PHC3: variants seen among roughly 807,000 people sequenced by gnomAD.
The protein encoded by PHC3 is polyhomeotic-like protein 3.
A neutral mutation model predicts 107.4 loss-of-function variants in PHC3; 13 were observed. That is an observed-to-expected ratio of 0.12 (90% CI 0.08 to 0.19). PHC3 has a LOEUF of 0.19. Ranked by LOEUF, PHC3 falls within the 10% of genes least tolerant of loss-of-function variation. The probability of loss-of-function intolerance (pLI) is 1.00; values close to 1 mark genes in which losing one functional copy is unlikely to be tolerated. For missense variants in PHC3, 992 were observed against 1,210.9 expected (o/e 0.82, Z 2.68); for synonymous variants, 456 against 427.4 (o/e 1.07, Z -0.83).
intron 6 of PHC3, 68 bp downstream of exon 6, chr3:170,145,355 T>C (rs1724773750): frequency 1.5e-6 from 2 of 1,311,846 alleles, no homozygotes; most frequent in Non-Finnish European, 2.1e-6. Context: ...TAAACACAAA[T>C]GCAATGCTTA....
intron 10 of PHC3, among the ~76,000 whole-genome samples, chr3:170,114,985 G>A (rs1040245379): frequency 7.9e-5 from 12 of 152,010 alleles, no homozygotes; most frequent in African/African-American, 2.4e-4. Flanking sequence ...AATGCTAAGG[G>A]CATACACTTC....
Position 170,129,252 on chromosome 3 carries a change from G to T in PHC3, c.1220C>A (p.Ser407Tyr). The change falls in exon 8 of 15, where the codon TCT becomes TAT. Residue 407 changes from serine (S) to tyrosine (Y), a missense_variant. Coordinates refer to ENST00000495893, the MANE Select transcript of PHC3 (RefSeq NM_024947.4). ...AGGTGGTGGAGGAGACACCACTACA[G>T]ACTGCTGTGCTGACTGTGACTGATT... The part of the protein sequence containing the change: ...SPNQSQSAQQ[S>Y]VVVSPPPPHS... 3 of 1,613,704 alleles carry T rather than the reference G, an allele frequency of 1.9e-6. No individual in the cohort carries two copies. The highest frequency in any genetic ancestry group is 2.5e-6 in the Non-Finnish European group (3 of 1,179,624).
chr3:170,111,602 G>C (rs1717791511), intron 11 of PHC3, among the ~76,000 whole-genome samples: 1 of 152,154 alleles, frequency 6.6e-6, no homozygotes, highest in South Asian at 2.1e-4. Flanking sequence ...CGATTCTAAT[G>C]AATGTTTGAA....
At chr3:170,110,310 C>T (rs1375651084) in intron 11 of PHC3, among the ~76,000 whole-genome samples, 1 of 152,164 alleles carries the variant, frequency 6.6e-6, no homozygotes, top group African/African-American at 2.4e-5. Context: ...ATCCAAGGTT[C>T]TCCAGAAACT....
At chr3:170,115,356 A>G (rs1486531476) in intron 10 of PHC3, among the ~76,000 whole-genome samples, 2 of 152,152 alleles carry the variant, frequency 1.3e-5, no homozygotes, top group East Asian at 1.9e-4. Context: ...GATTATATGT[A>G]TGTATCTATA....
chr3:170,132,882 ACAGTT>A (rs1722480651), intron 7 of PHC3, among the ~76,000 whole-genome samples: 1 of 152,250 alleles, frequency 6.6e-6, no homozygotes. Context: ...CAGCTCTAAT[ACAGTT>A]CATGTTTCCA....
At chr3:170,144,158 T>TA (rs60191414) in intron 6 of PHC3, among the ~76,000 whole-genome samples, 18,200 of 118,686 alleles carry the variant, frequency 0.15, 1,241 homozygotes, top group Middle Eastern at 0.22. Flanking sequence ...TGTTTCTACT[T>TA]AAAAAAAAAA....
chr3:170,169,405 G>A (rs762224519), intron 4 of PHC3, among the ~76,000 whole-genome samples: 23 of 151,996 alleles, frequency 1.5e-4, no homozygotes, highest in Non-Finnish European at 2.1e-4. Context: ...GCTCCCCCCC[G>A]TTTTTGGATA....
At chr3:170,153,673 G>A (rs574708392) in intron 4 of PHC3, among the ~76,000 whole-genome samples, 45 of 151,124 alleles carry the variant, frequency 3.0e-4, no homozygotes, top group Non-Finnish European at 4.9e-4. Context: ...TGAGGCAGGA[G>A]AATGGCGTGA....
In PHC3 at chr3:170,129,355, G is replaced by A. The variant is rs751459897; in HGVS notation, c.1117C>T (p.Pro373Ser). Residue 373 changes from proline (P) to serine (S), a missense_variant, in exon 8 of 15, where the codon CCT becomes TCT. Physicochemically the swap from Pro to Ser is moderately conservative, Grantham distance 74 (BLOSUM62 -1). Around this residue, in one of 6 missense-constraint regions of PHC3, gnomAD observed 543 missense variants for 590.8 expected, o/e 0.92. Transcript: ENST00000495893. Reference sequence around the variant, plus strand: ...GACTGGGCATTACTGGGAGCTGGAGGAAGGCCATGGTTCTGGAGTGGTATA... The same window carrying A: ...GACTGGGCATTACTGGGAGCTGGAGAAAGGCCATGGTTCTGGAGTGGTATA... ...HCIPLQNHGL[P>S]PAPSNAQSQH... is the part of the protein sequence containing the mutation. 5.6e-6 allele frequency: 9 copies of A among 1,613,790 alleles called. No individual in the cohort carries two copies. The African/African-American group carries it at 1.1e-4, about 19-fold the overall frequency.
chr3:170,097,740 T>A lies in PHC3; in HGVS notation c.2834-356A>T, dbSNP rs1170438414. Reference sequence around the variant, plus strand: ...CAGGTTTGGGTTAACTAGTTATACCTCATGCACTTATCTCTGTATAATATA... The same window carrying A: ...CAGGTTTGGGTTAACTAGTTATACCACATGCACTTATCTCTGTATAATATA... On this transcript the variant is annotated intron_variant, in intron 14 of 14. Transcript: ENST00000495893. This position sits in a 1 kb window ranked among gnomAD's most constrained non-coding sequence, Gnocchi z 4.1. Among the ~76,000 whole-genome samples, 1 of 152,228 alleles carries A rather than the reference T, an allele frequency of 6.6e-6. No homozygotes were observed. The highest frequency in any genetic ancestry group is 1.5e-5 in the Non-Finnish European group (1 of 68,040).
chr3:170,135,235 C>A (rs1722876247), intron 7 of PHC3, among the ~76,000 whole-genome samples: 1 of 152,130 alleles, frequency 6.6e-6, no homozygotes, highest in South Asian at 2.1e-4. Context: ...ACTGCAACCT[C>A]CGCCTCCTAG....
Position 170,129,216 on chromosome 3 carries a change from C to T in PHC3, c.1256G>A (p.Ser419Asn), listed in dbSNP as rs772697117. 1.9e-6 allele frequency: 3 copies of T among 1,613,838 alleles called. No homozygotes were observed. Among genetic ancestry groups the T allele is most frequent in the Non-Finnish European group, 2.5e-6 (3 of 1,179,802 alleles). Residue 419 changes from serine to asparagine, a missense_variant, in exon 8 of 15, where the codon AGT becomes AAT. Physicochemically the swap from Ser to Asn is conservative, Grantham distance 46. Transcript: ENST00000495893. ...ATGAATAATTATAGTAGGAGACTGA[C>T]TTGGTGAATGAGGTGGTGGAGGAGA... is the stretch of plus-strand genomic sequence containing the variant. Reference protein sequence around the residue: ...VVSPPPPHSPSQSPTIIIHPQ... With the variant: ...VVSPPPPHSPNQSPTIIIHPQ...
In PHC3 at chr3:170,172,435, C is replaced by T. The variant is rs964233869; in HGVS notation, c.336+122G>A. 2.2e-5 allele frequency: 23 copies of T among 1,065,078 alleles called. No individual in the cohort carries two copies. The African/African-American group carries it at 2.3e-4, about 11-fold the overall frequency. 66.0% of individuals were successfully genotyped at this position (1,065,078 alleles called of 1,614,324 possible). On this transcript the variant is annotated intron_variant, in intron 3 of 14. Transcript: ENST00000495893. ...ATTCGGCAACCTATTAATATATTTC[C>T]TCCGGGAAAAATAACCACAGGACAT... is the stretch of plus-strand genomic sequence containing the variant.
intron 4 of PHC3, among the ~76,000 whole-genome samples, chr3:170,159,251 CAAAAAA>C (rs1278767405): frequency 2.9e-5 from 2 of 69,580 alleles, no homozygotes; most frequent in African/African-American, 9.4e-5. Flanking sequence ...GACTCGGTCT[CAAAAAA>C]AAAAAAAAAA....
At chr3:170,125,382 C>CA (rs1272374828) in intron 8 of PHC3, among the ~76,000 whole-genome samples, 1 of 152,154 alleles carries the variant, frequency 6.6e-6, no homozygotes, top group Admixed American at 6.6e-5. Context: ...GATGTTAATT[C>CA]AGAGATAATT....
chr3:170,162,599 C>T (rs1255849422), intron 4 of PHC3, among the ~76,000 whole-genome samples: 2 of 152,116 alleles, frequency 1.3e-5, no homozygotes, highest in Non-Finnish European at 2.9e-5. Context: ...CATCATGATC[C>T]AAATTGCCAA....
chr3:170,156,598 C>T (rs963556171), intron 4 of PHC3, among the ~76,000 whole-genome samples: 3 of 150,078 alleles, frequency 2.0e-5, no homozygotes, highest in Non-Finnish European at 4.4e-5. Flanking sequence ...TTTTAAGAGA[C>T]TACATGGTTT....
At position 170,150,719 on chromosome 3, in the gene PHC3, G is replaced by A. The variant is rs144302059; in HGVS notation, c.415-1475C>T. ...CAGAGCGACACTCCATCTAAAAAGA[G>A]AAAAGAAAAAAAGAAAAAAACCCAA... On this transcript the variant is annotated intron_variant, in intron 4 of 14. Transcript: ENST00000495893. 2,125 of 422,232 alleles carry A rather than the reference G, an allele frequency of 5.0e-3. 48 individuals carry two copies. The highest frequency in any genetic ancestry group is 0.042 in the African/African-American group (1,927 of 46,138). 26.2% of individuals were successfully genotyped at this position (422,232 alleles called of 1,614,324 possible).
Sources: allele counts gnomAD v4.1 joint callset (sites outside exome capture counted in the v4.1 genomes callset), GRCh38; gene constraint gnomAD v4.1.1; regional missense constraint gnomAD v4.1.1; non-coding constraint Gnocchi (gnomAD v3.1); transcripts MANE v1.5; gene names NCBI Gene and HGNC (gene_info 2026-07-23, HGNC 2026-07-21).